Variants in HEATR1 observed in about 807,000 individuals in gnomAD.
The protein encoded by HEATR1 is HEAT repeat containing 1, also known as HEAT repeat-containing protein 1.
Under a neutral mutation model 248.2 loss-of-function variants are expected in HEATR1, and 77 were observed. The observed-to-expected ratio is 0.31, with a 90% CI of 0.26 to 0.37. The LOEUF (loss-of-function observed/expected upper bound fraction) is 0.37. Ranked by LOEUF, HEATR1 falls within the 10% of genes least tolerant of loss-of-function variation. HEATR1 has a pLI of 1.00. For missense variants in HEATR1, 2,420 were observed against 2,504.9 expected (o/e 0.97, Z 0.72); for synonymous variants, 897 against 923.1 (o/e 0.97, Z 0.51).
chr1:236,566,058 A>C lies in HEATR1; in HGVS notation c.4309-13T>G, dbSNP rs1165994605. 6.2e-7 allele frequency: 1 copy of C among 1,609,914 alleles called. No homozygotes were observed. The highest frequency in any genetic ancestry group is 8.5e-7 in the Non-Finnish European group (1 of 1,178,610). On this transcript the variant is annotated splice_polypyrimidine_tract_variant and intron_variant, in intron 30 of 44. Transcript: ENST00000366582. ...CTAAAATAGCATCCTGTGTAGAAAA[A>C]GAAAAAGGTAACAAATCTGTACTTA...
intron 12 of HEATR1, among the ~76,000 whole-genome samples, chr1:236,588,295 T>C (rs770896323): frequency 3.3e-5 from 5 of 152,324 alleles, no homozygotes; most frequent in Non-Finnish European, 5.9e-5. Context: ...ACTCCAAATA[T>C]AGTTTTTGTA....
In HEATR1 at chr1:236,599,598, T is replaced by A. The variant is rs750792703; in HGVS notation, c.386A>T (p.Asp129Val). Residue 129 changes from aspartate to valine, a missense_variant, in exon 4 of 45, where the codon GAT (aspartate) becomes GTT (valine). Asp to Val is a radical substitution (Grantham distance 152, BLOSUM62 -3). Coordinates refer to ENST00000366582, the MANE Select transcript of HEATR1 (RefSeq NM_018072.6). ...HRFHIHLYNQ[D>V]SLIACVLPYH... Reference sequence around the variant, plus strand: ...TGGCAGAACACAAGCAATGAGGCTATCTTGATTATAGAGATGTATATGGAA... The same window carrying A: ...TGGCAGAACACAAGCAATGAGGCTAACTTGATTATAGAGATGTATATGGAA... 31 of 1,613,402 alleles carry A rather than the reference T, an allele frequency of 1.9e-5. No homozygotes were observed. Among genetic ancestry groups the A allele is most frequent in the Non-Finnish European group, 2.5e-5 (30 of 1,179,716 alleles).
chr1:236,598,877 AAACAAAG>A (rs1664245873), intron 4 of HEATR1, among the ~76,000 whole-genome samples: 1 of 152,144 alleles, frequency 6.6e-6, no homozygotes, highest in Non-Finnish European at 1.5e-5. Flanking sequence ...CATATGTTGC[AAACAAAG>A]TGCTAACGGT....
intron 23 of HEATR1, 150 bp downstream of exon 23, chr1:236,574,511 A>G: frequency 8.4e-7 from 1 of 1,195,234 alleles, no homozygotes; most frequent in South Asian, 1.6e-5. Flanking sequence ...TGGGTCAAAT[A>G]CATCATTTTC....
At chr1:236,594,141 T>C (rs779544494) in intron 8 of HEATR1, 27 bp from the exon 9 acceptor site, 4 of 1,421,242 alleles carry the variant, frequency 2.8e-6, no homozygotes, top group African/African-American at 2.9e-5. Context: ...TAAAATTGTG[T>C]TGGGAAAAAT....
chr1:236,598,870 A>G (rs1315899643), intron 4 of HEATR1, among the ~76,000 whole-genome samples: 1 of 152,038 alleles, frequency 6.6e-6, no homozygotes, highest in Non-Finnish European at 1.5e-5. Context: ...CCTCCACCAT[A>G]TGTTGCAAAC....
chr1:236,576,477 G>A, intron 21 of HEATR1, 100 bp from the exon 22 acceptor site: 1 of 902,710 alleles, frequency 1.1e-6, no homozygotes, highest in Non-Finnish European at 1.6e-6. Context: ...ATGTGACATT[G>A]TTTATAATTT....
At chr1:236,567,788 T>C (rs569387347) in intron 29 of HEATR1, among the ~76,000 whole-genome samples, 2 of 152,228 alleles carry the variant, frequency 1.3e-5, no homozygotes, top group Non-Finnish European at 2.9e-5. Context: ...GTGACACTGA[T>C]AGCAAGTCTG....
Position 236,550,115 on chromosome 1 carries a change from T to C in HEATR1, c.*787A>G, listed in dbSNP as rs1371728815. ...CTAGAGATTAGGGCACTTCAAAGCA[T>C]TGAAAAAAATCTACTGATACTTACT... On this transcript the variant is annotated 3_prime_UTR_variant, in exon 45 of 45. Transcript: ENST00000366582. 6.6e-6 allele frequency: 1 copy of C among 152,188 alleles called. No homozygotes were observed. The highest frequency in any genetic ancestry group is 2.4e-5 in the African/African-American group (1 of 41,456). 9.4% of individuals were successfully genotyped at this position (152,188 alleles called of 1,614,324 possible).
chr1:236,576,780 C>G lies in HEATR1; in HGVS notation c.2925G>C (p.Gln975His), dbSNP rs1158652841. Reference protein sequence around the residue: ...EITSDAAYVIQDLATLFEELQ... With the variant: ...EITSDAAYVIHDLATLFEELQ... Reference sequence around the variant, plus strand: ...CAATCTTCTTTGCTAACGAGCTTACCTGAATAACATAGGCAGCATCTGAAG... The same window carrying G: ...CAATCTTCTTTGCTAACGAGCTTACGTGAATAACATAGGCAGCATCTGAAG... The change falls in exon 21 of 45, where the codon CAG (glutamine) becomes CAC (histidine). Residue 975 changes from glutamine (Q) to histidine (H), a missense_variant and splice_region_variant. Transcript: ENST00000366582. 1 of 1,607,040 alleles carries G rather than the reference C, an allele frequency of 6.2e-7. No homozygotes were observed. Among genetic ancestry groups the G allele is most frequent in the East Asian group, 2.2e-5 (1 of 44,812 alleles).
At chr1:236,597,156 T>C (rs955289310) in intron 5 of HEATR1, among the ~76,000 whole-genome samples, 180 bp from the exon 6 acceptor site, 5 of 149,346 alleles carry the variant, frequency 3.3e-5, no homozygotes, top group African/African-American at 1.2e-4. Context: ...GCCAAATAAA[T>C]ATTTACAGCT....
chr1:236,566,741 T>C lies in HEATR1; in HGVS notation c.4213A>G (p.Thr1405Ala). 6.2e-7 allele frequency: 1 copy of C among 1,614,166 alleles called. No individual in the cohort carries two copies. Among genetic ancestry groups the C allele is most frequent in the Non-Finnish European group, 8.5e-7 (1 of 1,180,010 alleles). The change falls in exon 30 of 45, where the codon ACA (threonine) becomes GCA (alanine). Residue 1405 changes from threonine (T) to alanine (A), a missense_variant. By Grantham distance (58) the Thr-to-Ala change is moderately conservative. Coordinates refer to ENST00000366582, the MANE Select transcript of HEATR1 (RefSeq NM_018072.6). ...CAGAGGAATTTCTCTGCACCCAGTG[T>C]ATCAACAAGTTGAACAAGGATGGGC... is the stretch of plus-strand genomic sequence containing the variant. ...RLPILVQLVD[T>A]LGAEKFLWIL...
chr1:236,595,807 C>G, intron 7 of HEATR1, 26 bp downstream of exon 7: 2 of 1,582,360 alleles, frequency 1.3e-6, no homozygotes, highest in Non-Finnish European at 1.7e-6. Context: ...CTGACTAGCA[C>G]CATTTCTCAA....
rs147463795 is a variant in HEATR1 at position 236,596,002 on chromosome 1, T to C, written c.787A>G (p.Met263Val). Residue 263 changes from methionine (M) to valine (V), a missense_variant, in exon 7 of 45, where the codon ATG becomes GTG. Physicochemically the swap from Met to Val is conservative, Grantham distance 21. Transcript: ENST00000366582. ...TTCACAGAAATCTGACATATTATCA[T>C]GTATGTTGCAGCTCTGTAATCTGGT... ...SLPDYRAATY[M>V]IICQISVKVT... 2.5e-4 allele frequency: 399 copies of C among 1,613,584 alleles called. No homozygotes were observed. Among genetic ancestry groups the C allele is most frequent in the Non-Finnish European group, 3.3e-4 (391 of 1,179,660 alleles).
intron 15 of HEATR1, 70 bp from the exon 16 acceptor site, chr1:236,586,011 G>C: frequency 6.4e-7 from 1 of 1,553,602 alleles, no homozygotes; most frequent in African/African-American, 1.4e-5. Context: ...GAAGAATTCA[G>C]GCAAACATTT....
At chr1:236,588,731 C>T (rs1345633793) in intron 12 of HEATR1, among the ~76,000 whole-genome samples, 1 of 152,116 alleles carries the variant, frequency 6.6e-6, no homozygotes, top group Non-Finnish European at 1.5e-5. Context: ...CTGAATATAT[C>T]CCTATCTATA....
intron 24 of HEATR1, 62 bp downstream of exon 24, chr1:236,574,140 G>C (rs772431850): frequency 6.3e-6 from 9 of 1,418,618 alleles, no homozygotes; most frequent in Non-Finnish European, 6.6e-6. Flanking sequence ...TCTTAAACAT[G>C]GTGTCCCTTG....
At chr1:236,566,329 G>C (rs1306173519) in intron 30 of HEATR1, among the ~76,000 whole-genome samples, 2 of 152,150 alleles carry the variant, frequency 1.3e-5, no homozygotes, top group African/African-American at 4.8e-5. Context: ...AAACCGCTTT[G>C]AAGAGACACT....
At chr1:236,602,868 G>C (rs951631598) in intron 3 of HEATR1, 1 of 255,808 alleles carries the variant, frequency 3.9e-6, no homozygotes, top group African/African-American at 2.2e-5. Context: ...AGGTTGCAGT[G>C]AGCCAAGATT....
Sources: allele counts gnomAD v4.1 joint callset (sites outside exome capture counted in the v4.1 genomes callset), GRCh38; gene constraint gnomAD v4.1.1; transcripts MANE v1.5; gene names NCBI Gene and HGNC (gene_info 2026-07-23, HGNC 2026-07-21).